The following RPF2 variants were observed in gnomAD, a reference collection of about 807,000 sequenced individuals.
The protein encoded by RPF2 is ribosome production factor 2 homolog.
Under a neutral mutation model 38.9 loss-of-function variants are expected in RPF2, and 21 were observed. The observed-to-expected ratio is 0.54, with a 90% CI of 0.38 to 0.78. The LOEUF is 0.78. Among genes scored for constraint, RPF2 ranks in the 30% least tolerant of loss-of-function variants. RPF2 has a pLI of 0.00. For missense variants in RPF2, 314 were observed against 358.1 expected (o/e 0.88, Z 0.99); for synonymous variants, 121 against 126.2 (o/e 0.96, Z 0.28).
intron 9 of RPF2, 123 bp downstream of exon 9, chr6:111,024,450 A>C: frequency 2.4e-4 from 206 of 861,606 alleles, no homozygotes; most frequent in Non-Finnish European, 3.1e-4. Context: ...GCGGTGGCTC[A>C]CGCCTGTAAT....
intron 5 of RPF2, among the ~76,000 whole-genome samples, chr6:110,998,475 C>T (rs773678876): frequency 1.2e-4 from 18 of 152,196 alleles, no homozygotes; most frequent in Non-Finnish European, 2.5e-4. Flanking sequence ...TCCCAAAGGG[C>T]TGGAATTACA....
chr6:110,995,540 A>G (rs1562368027), intron 4 of RPF2, among the ~76,000 whole-genome samples: 1 of 152,136 alleles, frequency 6.6e-6, no homozygotes, highest in Non-Finnish European at 1.5e-5. Context: ...GAGTAAAGAA[A>G]AATGGAGGGT....
chr6:111,010,063 A>G (rs1172034855), intron 7 of RPF2, among the ~76,000 whole-genome samples: 1 of 152,032 alleles, frequency 6.6e-6, no homozygotes, highest in Non-Finnish European at 1.5e-5. Context: ...TTAATTTTCC[A>G]AGAGATTGGT....
chr6:110,997,771 G>C (rs6931383), intron 5 of RPF2, among the ~76,000 whole-genome samples: 13,768 of 152,078 alleles, frequency 0.091, 692 homozygotes, highest in Middle Eastern at 0.13. Context: ...AGTGAAGTAC[G>C]CTTTGAGCGC....
intron 8 of RPF2, 60 bp downstream of exon 8, chr6:111,015,916 A>G: frequency 1.5e-6 from 2 of 1,294,046 alleles, no homozygotes; most frequent in Non-Finnish European, 2.2e-6. Context: ...AAACTGTGTG[A>G]CTGTTTTTTA....
chr6:110,985,675 C>G (rs1409256107), intron 2 of RPF2, among the ~76,000 whole-genome samples: 1 of 152,000 alleles, frequency 6.6e-6, no homozygotes, highest in East Asian at 1.9e-4. Flanking sequence ...CACGGTGGTT[C>G]ACGCCTGTAA....
Position 110,999,580 on chromosome 6 carries a change from G to A in RPF2, c.317-131G>A, listed in dbSNP as rs982051697. ...TAGAGTTGAAAATGTAAGAAAGTGG[G>A]ATATGTTTGCGGGGGTATAGGGAGA... On this transcript the variant is annotated intron_variant, in intron 5 of 9. Transcript: ENST00000441448. 9 of 538,812 alleles carry A rather than the reference G, an allele frequency of 1.7e-5. No homozygotes were observed. The African/African-American group carries it at 1.7e-4, about 10-fold the overall frequency. The allele number at this position is 538,812 out of a possible 1,614,324, so 33.4% of individuals were successfully genotyped here.
intron 4 of RPF2, among the ~76,000 whole-genome samples, chr6:110,994,278 T>TAAAAA (rs5879084): frequency 7.4e-6 from 1 of 135,280 alleles, no homozygotes; most frequent in African/African-American, 2.7e-5. Context: ...TCCATCTCAA[T>TAAAAA]AAAAAAAAAA....
intron 4 of RPF2, among the ~76,000 whole-genome samples, chr6:110,994,719 T>TG (rs939012250): frequency 2.1e-4 from 19 of 92,638 alleles, no homozygotes; most frequent in African/African-American, 1.0e-3. Context: ...TTGTGGAGAA[T>TG]GGGATGAGTA....
intron 6 of RPF2, among the ~76,000 whole-genome samples, chr6:111,006,538 A>G (rs1463840056): frequency 6.6e-6 from 1 of 152,150 alleles, no homozygotes; most frequent in African/African-American, 2.4e-5. Flanking sequence ...TGCCCAGCCC[A>G]TAGCCTTCAT....
chr6:111,008,252 A>C (rs1040936788), intron 7 of RPF2, 115 bp downstream of exon 7: 40 of 1,146,456 alleles, frequency 3.5e-5, no homozygotes, highest in Admixed American at 7.5e-5. Context: ...TTATTTTAAA[A>C]ATAATATTTA....
intron 1 of RPF2, 127 bp downstream of exon 1, chr6:110,982,256 T>G: frequency 9.2e-7 from 1 of 1,081,400 alleles, no homozygotes; most frequent in South Asian, 1.3e-5. Flanking sequence ...GGCCGATCGA[T>G]CACCAGCCCG....
chr6:110,986,546 A>G (rs932161109), intron 2 of RPF2, among the ~76,000 whole-genome samples: 3 of 152,240 alleles, frequency 2.0e-5, no homozygotes, highest in Non-Finnish European at 4.4e-5. Context: ...GGTTTGGGAC[A>G]TGTAATTTAA....
Position 111,024,170 on chromosome 6 carries a change from C to G in RPF2, c.597-13C>G, listed in dbSNP as rs1772281878. The G allele has an allele frequency of 6.4e-7, 1 of 1,572,352 alleles. No individual in the cohort carries two copies. ...AAGTCAAAGCAACATTTCTTTTTAC[C>G]TATTTCCTAAAGGTTGCTGTTGAAG... On this transcript the variant is annotated splice_polypyrimidine_tract_variant and intron_variant, in intron 8 of 9. Coordinates refer to ENST00000441448, the MANE Select transcript of RPF2 (RefSeq NM_032194.3).
At chr6:111,021,841 A>C (rs1772240116) in intron 8 of RPF2, among the ~76,000 whole-genome samples, 1 of 152,190 alleles carries the variant, frequency 6.6e-6, no homozygotes. Flanking sequence ...GTAATATTTA[A>C]TATTCACACA....
chr6:110,984,252 G>C lies in RPF2; in HGVS notation c.24-754G>C, dbSNP rs192637611. On this transcript the variant is annotated intron_variant, in intron 1 of 9. Coordinates refer to ENST00000441448, the MANE Select transcript of RPF2 (RefSeq NM_032194.3). ...AAAAATAAGCAGTCGTTAGTCTTAT[G>C]TTTAGTAAATGTCCACAGGTTGATC... 1.4e-4 allele frequency among the ~76,000 whole-genome samples: 21 copies of C among 152,142 alleles called. No homozygotes were observed. The East Asian group carries it at 2.7e-3, about 20-fold the overall frequency.
chr6:110,985,477 A>G (rs1393970138), intron 2 of RPF2, among the ~76,000 whole-genome samples: 1 of 152,208 alleles, frequency 6.6e-6, no homozygotes, highest in Admixed American at 6.5e-5. Flanking sequence ...AAGTAACTGC[A>G]TATTGCTGTA....
Position 111,017,738 on chromosome 6 carries a change from C to T in RPF2, c.596+1882C>T, listed in dbSNP as rs1156671832. ...CTCCTCACTTCCCAGACTGGGCAGC[C>T]GGGCAGAGGGGCTCCTCACATCCCA... On this transcript the variant is annotated intron_variant, in intron 8 of 9. Transcript: ENST00000441448. Among the ~76,000 whole-genome samples the T allele has an allele frequency of 8.2e-5, 12 of 146,348 alleles. No homozygotes were observed. The East Asian group carries it at 2.6e-3, about 32-fold the overall frequency.
chr6:111,009,058 C>T (rs922422408), intron 7 of RPF2, among the ~76,000 whole-genome samples: 1 of 151,754 alleles, frequency 6.6e-6, no homozygotes, highest in Non-Finnish European at 1.5e-5. Context: ...CGTCACCATG[C>T]TGACTAATTT....
Sources: gnomAD v4.1 joint callset for allele counts (sites outside exome capture counted in the v4.1 genomes callset) on GRCh38, gnomAD v4.1.1 for gene constraint, MANE v1.5 for transcripts, NCBI Gene and HGNC (gene_info 2026-07-23, HGNC 2026-07-21) for gene names.